SUCO: variants seen among roughly 807,000 people sequenced by gnomAD.
SUCO encodes SUN domain containing ossification factor, also known as SUN domain-containing ossification factor.
Under a neutral mutation model 148.1 loss-of-function variants are expected in SUCO, and 57 were observed. That is an observed-to-expected ratio of 0.38 (90% CI 0.31 to 0.48). The LOEUF is 0.48. SUCO is among the 20% of genes least tolerant of loss of function. SUCO has a pLI of 0.96. For missense variants in SUCO, 1,331 were observed against 1,468.2 expected, an observed-to-expected ratio of 0.91 and a Z score of 1.53; for synonymous variants, 470 against 502.7, an observed-to-expected ratio of 0.93 and a Z score of 0.87.
At chr1:172,562,535 T>C in intron 6 of SUCO, among the ~76,000 whole-genome samples, 1 of 152,182 alleles carries the variant, frequency 6.6e-6, no homozygotes, top group East Asian at 1.9e-4. Context: ...TTTCACCATG[T>C]TGGCCATGGC....
At chr1:172,551,701 G>T in intron 2 of SUCO, 75 bp downstream of exon 2, 1 of 934,018 alleles carries the variant, frequency 1.1e-6, no homozygotes, top group Non-Finnish European at 1.6e-6. Context: ...CAGAATAAAA[G>T]TAATTTCAAA....
At chr1:172,585,149 A>G in intron 16 of SUCO, 63 bp downstream of exon 16, 1 of 1,280,930 alleles carries the variant, frequency 7.8e-7, no homozygotes, top group Non-Finnish European at 1.1e-6. Context: ...ATATTTAGGA[A>G]AATCAAGTAA....
chr1:172,536,407 G>A (rs933499751), intron 1 of SUCO, among the ~76,000 whole-genome samples: 1 of 152,142 alleles, frequency 6.6e-6, no homozygotes, highest in African/African-American at 2.4e-5. Context: ...AGGGTTGTTA[G>A]GAGGATGAAA....
At chr1:172,583,938 A>T (rs1656058266) in intron 15 of SUCO, among the ~76,000 whole-genome samples, 2 of 152,162 alleles carry the variant, frequency 1.3e-5, no homozygotes, top group African/African-American at 4.8e-5. Flanking sequence ...CACTTTTTTC[A>T]TGTAAATATC....
chr1:172,595,389 A>AT (rs1657019568), intron 19 of SUCO, among the ~76,000 whole-genome samples: 3 of 152,126 alleles, frequency 2.0e-5, no homozygotes, highest in African/African-American at 7.2e-5. Context: ...GGTCTTTACA[A>AT]TTTGGCATGT....
chr1:172,547,870 C>T (rs1270627120), intron 1 of SUCO, among the ~76,000 whole-genome samples: 1 of 152,018 alleles, frequency 6.6e-6, no homozygotes, highest in East Asian at 1.9e-4. Context: ...AAATAGATAT[C>T]ACAGTATTTT....
chr1:172,589,657 T>C lies in SUCO; in HGVS notation c.2556T>C (p.Thr852=). 1.2e-6 allele frequency: 2 copies of C among 1,613,878 alleles called. No homozygotes were observed. The highest frequency in any genetic ancestry group is 1.7e-6 in the Non-Finnish European group (2 of 1,179,882). Residue 852 remains threonine, a synonymous_variant, in exon 18 of 24, where the codon ACT becomes ACC. Coordinates refer to ENST00000263688, the MANE Select transcript of SUCO (RefSeq NM_014283.5). Reference sequence around the variant, plus strand: ...ATATAGCTGACACAGCAAAGCAAACTTTGATTTCTGTTGTGGATTCTTCTT... The same window carrying C: ...ATATAGCTGACACAGCAAAGCAAACCTTGATTTCTGTTGTGGATTCTTCTT... ...KMNIADTAKQ[T]LISVVDSSSL...
At chr1:172,571,268 C>T (rs1654950799) in intron 9 of SUCO, among the ~76,000 whole-genome samples, 1 of 152,246 alleles carries the variant, frequency 6.6e-6, no homozygotes, top group Non-Finnish European at 1.5e-5. Context: ...GCTGTGTTGG[C>T]CGGGCTGGTC....
At chr1:172,563,635 T>C (rs572900403) in intron 6 of SUCO, among the ~76,000 whole-genome samples, 3 of 152,330 alleles carry the variant, frequency 2.0e-5, no homozygotes, top group East Asian at 1.9e-4. Context: ...AAACTGGAAC[T>C]TATATTTAAA....
At chr1:172,554,075 C>G (rs1373680901) in intron 3 of SUCO, among the ~76,000 whole-genome samples, 1 of 152,116 alleles carries the variant, frequency 6.6e-6, no homozygotes, top group African/African-American at 2.4e-5. Flanking sequence ...AAAAATACAG[C>G]CTTGGCTAAT....
At chr1:172,605,527 G>A (rs979328711) in intron 22 of SUCO, among the ~76,000 whole-genome samples, 2 of 151,696 alleles carry the variant, frequency 1.3e-5, no homozygotes, top group African/African-American at 4.8e-5. Flanking sequence ...ATTTGTCTGT[G>A]TTTATGCCAG....
intron 19 of SUCO, chr1:172,599,529 T>G: frequency 6.2e-6 from 2 of 323,632 alleles, no homozygotes; most frequent in Non-Finnish European, 8.9e-6. Flanking sequence ...TTTCTTTCAT[T>G]GGTGATATTT....
rs1651739538 is a variant in SUCO at position 172,533,290 on chromosome 1, T to A, written c.-146T>A. 1.6e-5 allele frequency: 25 copies of A among 1,550,078 alleles called. No homozygotes were observed. The highest frequency in any genetic ancestry group is 2.2e-5 in the Non-Finnish European group (25 of 1,146,924). On this transcript the variant is annotated 5_prime_UTR_variant, in exon 1 of 24. Coordinates refer to ENST00000263688, the MANE Select transcript of SUCO (RefSeq NM_014283.5). ...AGAGGGCTGCCAGGACGCGAGCCAC[T>A]GAGGAGCCGCTCAGCCAGCGCCATA...
In SUCO at chr1:172,602,137, A is replaced by C. The variant is rs1657572126; in HGVS notation, c.3092A>C (p.Gln1031Pro). Residue 1031 changes from glutamine to proline, a missense_variant, in exon 21 of 24, where the codon CAG (glutamine) becomes CCG (proline). Coordinates refer to ENST00000263688, the MANE Select transcript of SUCO (RefSeq NM_014283.5). ...GTCTTGGGACTGATGCTTTGTATGCAGCGTTGTCGAAATACTTCTCAATTT... is the reference window on the plus strand; with the variant it reads ...GTCTTGGGACTGATGCTTTGTATGCCGCGTTGTCGAAATACTTCTCAATTT... The part of the protein sequence containing the change: ...CVVLGLMLCM[Q>P]RCRNTSQFDG... The C allele has an allele frequency of 1.9e-6, 3 of 1,613,682 alleles. No individual in the cohort carries two copies. The highest frequency in any genetic ancestry group is 2.5e-6 in the Non-Finnish European group (3 of 1,179,846).
chr1:172,546,558 T>TC (rs1310674208), intron 1 of SUCO, among the ~76,000 whole-genome samples: 2 of 152,268 alleles, frequency 1.3e-5, no homozygotes, highest in Admixed American at 6.5e-5. Context: ...GTCAAAAAAA[T>TC]CCAAGTTTTA....
chr1:172,589,204 T>C lies in SUCO; in HGVS notation c.2103T>C (p.Asp701=), dbSNP rs1311628161. The C allele has an allele frequency of 1.2e-6, 2 of 1,613,972 alleles. No homozygotes were observed. The highest frequency in any genetic ancestry group is 1.6e-4 in the Middle Eastern group (1 of 6,062). The change falls in exon 18 of 24, where the codon GAT becomes GAC. Residue 701 remains aspartate (D), a synonymous_variant. Transcript: ENST00000263688. The part of the protein sequence containing the change: ...EREAETVVLG[D]LSSSMHQDDL... ...AAGCTGAAACTGTTGTTCTGGGTGA[T>C]TTAAGTAGTAGTATGCACCAGGATG...
upstream of SUCO, chr1:172,533,018 A>G: frequency 7.0e-7 from 1 of 1,425,150 alleles, no homozygotes; most frequent in East Asian, 2.5e-5. Context: ...GACTTGGGTG[A>G]CGCGTCCCTT....
chr1:172,542,003 A>G (rs1652496300), intron 1 of SUCO: 1 of 199,948 alleles, frequency 5.0e-6, no homozygotes, highest in African/African-American at 2.4e-5. Flanking sequence ...AAGGGGAAGG[A>G]GCTGTTAGTT....
In SUCO at chr1:172,611,415, T is replaced by C. The variant is rs1393511859; in HGVS notation, c.*1156T>C. On this transcript the variant is annotated 3_prime_UTR_variant, in exon 24 of 24. Transcript: ENST00000263688. ...TACAGTAATGAATGAAAGTGGAACA[T>C]GTTTCTTTTTGAAAGGGAGAGAATT... is the stretch of plus-strand genomic sequence containing the variant. The C allele has an allele frequency of 1.3e-5, 2 of 152,620 alleles. No individual in the cohort carries two copies. Among genetic ancestry groups the C allele is most frequent in the Non-Finnish European group, 2.9e-5 (2 of 68,030 alleles). The allele number at this position is 152,620 out of a possible 1,614,324, so 9.5% of individuals were successfully genotyped here. A position where few individuals can be genotyped will look rare whatever the true frequency, so the allele number is the denominator to read the frequency against.
Sources: allele counts gnomAD v4.1 joint callset (sites outside exome capture counted in the v4.1 genomes callset), GRCh38; gene constraint gnomAD v4.1.1; transcripts MANE v1.5; gene names NCBI Gene and HGNC (gene_info 2026-07-23, HGNC 2026-07-21).